PDE1A: variants seen among roughly 807,000 people sequenced by gnomAD.
The protein encoded by PDE1A is dual specificity calcium/calmodulin-dependent 3',5'-cyclic nucleotide phosphodiesterase 1A.
PDE1A carries 35 observed loss-of-function variants against 61.7 expected under a neutral mutation model. That is an observed-to-expected ratio of 0.57 (90% CI 0.43 to 0.75). The LOEUF is 0.75. PDE1A is among the 30% of genes least tolerant of loss of function. PDE1A has a pLI of 0.00. For synonymous variants in PDE1A, 232 were observed against 213.2 expected, an observed-to-expected ratio of 1.09 and a Z score of -0.77; for missense variants, 597 against 630.6, an observed-to-expected ratio of 0.95 and a Z score of 0.57.
At chr2:182,659,522 G>T in the PDE1A span, among the ~76,000 whole-genome samples, 1 of 152,130 alleles carries the variant, frequency 6.6e-6, no homozygotes, top group African/African-American at 2.4e-5. Flanking sequence ...CACAAAATAA[G>T]ATGATATCCC....
At chr2:182,638,543 A>G in the PDE1A span, among the ~76,000 whole-genome samples, 1 of 152,178 alleles carries the variant, frequency 6.6e-6, no homozygotes, top group South Asian at 2.1e-4. Flanking sequence ...CTCAAAAAAA[A>G]TGAAAAAAAC....
At chr2:182,157,454 CA>C (rs1254676759) in intron 13 of PDE1A, among the ~76,000 whole-genome samples, 2 of 152,162 alleles carry the variant, frequency 1.3e-5, no homozygotes, top group Admixed American at 6.5e-5. Flanking sequence ...CTAGAGACTG[CA>C]AATATCACAA....
In PDE1A at chr2:182,252,198, C is replaced by A. The variant is rs200443237; in HGVS notation, c.168-11906G>T. ...AGTATTTGCACTAGTTAGGTATTAG[C>A]CCAGATGAAGAATAAAGTCATTTTT... On this transcript the variant is annotated intron_variant, in intron 2 of 13. Transcript: ENST00000351439. Among the ~76,000 whole-genome samples, 15 of 152,112 alleles carry A rather than the reference C, an allele frequency of 9.9e-5. No individual in the cohort carries two copies. In the East Asian group the frequency reaches 2.9e-3, roughly 29 times the overall value.
At chr2:182,391,735 T>C (rs1184013338) in intron 1 of PDE1A, among the ~76,000 whole-genome samples, 5 of 152,094 alleles carry the variant, frequency 3.3e-5, no homozygotes, top group Non-Finnish European at 5.9e-5. Context: ...TGGGTGTAGT[T>C]ACCATAATGA....
chr2:182,404,042 AC>A, intron 1 of PDE1A, among the ~76,000 whole-genome samples: 1 of 72,844 alleles, frequency 1.4e-5, no homozygotes. Flanking sequence ...GTCAATAGGA[AC>A]AAATTTTTTT....
At chr2:182,421,915 T>A (rs1409617439) in intron 1 of PDE1A, among the ~76,000 whole-genome samples, 1 of 152,222 alleles carries the variant, frequency 6.6e-6, no homozygotes, top group Non-Finnish European at 1.5e-5. Context: ...TAGGCTTTCC[T>A]ATTTCATCCC....
downstream of PDE1A, among the ~76,000 whole-genome samples, chr2:182,143,488 A>T (rs1394253829): frequency 6.6e-6 from 1 of 151,964 alleles, no homozygotes; most frequent in South Asian, 2.1e-4. Flanking sequence ...TTCTTTTTTT[A>T]AAAAATTTTA....
intron 1 of PDE1A, among the ~76,000 whole-genome samples, chr2:182,417,824 T>C (rs1165103654): frequency 4.6e-5 from 7 of 152,150 alleles, no homozygotes; most frequent in Non-Finnish European, 1.0e-4. Flanking sequence ...TCAAAATCTC[T>C]GGTTACAAAT....
the PDE1A span, among the ~76,000 whole-genome samples, chr2:182,609,808 A>G: frequency 9.2e-4 from 138 of 150,320 alleles, no homozygotes; most frequent in African/African-American, 3.2e-3. Flanking sequence ...AAAGAAACGG[A>G]TGGGGCACAG....
intron 1 of PDE1A, among the ~76,000 whole-genome samples, chr2:182,365,993 G>T (rs980557055): frequency 2.6e-5 from 4 of 151,998 alleles, no homozygotes; most frequent in Non-Finnish European, 2.9e-5. Flanking sequence ...CAACGTGCAG[G>T]AATTTGCCTC....
chr2:182,363,081 G>A (rs1699607114), intron 1 of PDE1A, among the ~76,000 whole-genome samples: 1 of 151,976 alleles, frequency 6.6e-6, no homozygotes, highest in Non-Finnish European at 1.5e-5. Flanking sequence ...GGCAGGAGGA[G>A]GAAGAGGATC....
chr2:182,488,541 T>C (rs189840989), intron 2 of PDE1A, among the ~76,000 whole-genome samples: 1 of 152,344 alleles, frequency 6.6e-6, no homozygotes, highest in Admixed American at 6.5e-5. Context: ...TATTGTACTG[T>C]AGTGTTGATT....
At chr2:182,579,998 CCT>C in the PDE1A span, among the ~76,000 whole-genome samples, 4 of 152,262 alleles carry the variant, frequency 2.6e-5, no homozygotes, top group East Asian at 1.9e-4. Flanking sequence ...ATACACAGAC[CCT>C]GTTTCCATTT....
the PDE1A span, among the ~76,000 whole-genome samples, chr2:182,607,475 C>T: frequency 1.8e-4 from 27 of 152,006 alleles, no homozygotes; most frequent in Non-Finnish European, 3.2e-4. Context: ...CCAGAACCCC[C>T]GCGTATACCA....
chr2:182,449,739 G>A (rs540012272), intron 2 of PDE1A, among the ~76,000 whole-genome samples: 11 of 152,072 alleles, frequency 7.2e-5, no homozygotes, highest in African/African-American at 2.6e-4. Context: ...ATATTTGAAT[G>A]TTGGTTACAT....
chr2:182,449,960 C>T (rs575772011), intron 2 of PDE1A, among the ~76,000 whole-genome samples: 1 of 152,130 alleles, frequency 6.6e-6, no homozygotes, highest in South Asian at 2.1e-4. Flanking sequence ...ATACCAAACT[C>T]AATTACACCA....
chr2:182,406,831 T>G (rs185977311), intron 1 of PDE1A, among the ~76,000 whole-genome samples: 47 of 152,174 alleles, frequency 3.1e-4, no homozygotes, highest in Non-Finnish European at 5.7e-4. Flanking sequence ...ATTTTTAAAA[T>G]TATATTAATA....
At chr2:182,208,540 T>C (rs1048719694) in intron 7 of PDE1A, among the ~76,000 whole-genome samples, 1 of 152,132 alleles carries the variant, frequency 6.6e-6, no homozygotes, top group African/African-American at 2.4e-5. Context: ...AGCCAAACCA[T>C]ATCAGCCACT....
intron 1 of PDE1A, among the ~76,000 whole-genome samples, chr2:182,303,224 A>G (rs1044800073): frequency 1.3e-5 from 2 of 152,324 alleles, no homozygotes; most frequent in Middle Eastern, 3.4e-3. Flanking sequence ...ATCACTATCT[A>G]TGGCAGCTAT....
Sources: allele counts gnomAD v4.1 joint callset (sites outside exome capture counted in the v4.1 genomes callset), GRCh38; gene constraint gnomAD v4.1.1; transcripts MANE v1.5; gene names NCBI Gene and HGNC (gene_info 2026-07-23, HGNC 2026-07-21).